MAP4: variants seen among roughly 807,000 people sequenced by gnomAD.
MAP4 encodes the protein microtubule associated protein 4.
MAP4 carries 76 observed loss-of-function variants against 170.2 expected under a neutral mutation model. The ratio of observed to expected loss-of-function variants is 0.45; its 90% CI spans 0.37 to 0.54. The LOEUF (loss-of-function observed/expected upper bound fraction) is 0.54, where lower values mean the gene tolerates loss of function less well. Among genes scored for constraint, MAP4 ranks in the 20% least tolerant of loss-of-function variants. The pLI is 0.00. For missense variants in MAP4, 2,506 were observed against 2,748.0 expected (o/e 0.91, Z 1.97); for synonymous variants, 909 against 994.5 (o/e 0.91, Z 1.62).
At chr3:48,042,725 T>G (rs1431558474) in intron 1 of MAP4, among the ~76,000 whole-genome samples, 1 of 152,130 alleles carries the variant, frequency 6.6e-6, no homozygotes. Flanking sequence ...TAAACAGAGT[T>G]ACCATATGAA....
At chr3:48,013,954 T>G (rs991536314) in intron 1 of MAP4, among the ~76,000 whole-genome samples, 4 of 152,170 alleles carry the variant, frequency 2.6e-5, no homozygotes, top group African/African-American at 9.7e-5. Flanking sequence ...TCTGATGACA[T>G]GCCTGAAGTG....
At chr3:48,049,853 G>A (rs2100126660) in intron 1 of MAP4, among the ~76,000 whole-genome samples, 2 of 151,110 alleles carry the variant, frequency 1.3e-5, no homozygotes, top group East Asian at 2.0e-4. Flanking sequence ...TAGTAGAATT[G>A]CTTGAACCCA....
rs762502090 is a variant in MAP4, at chr3:47,871,027, G to C, written c.6080C>G (p.Ala2027Gly). The C allele has an allele frequency of 1.3e-5, 21 of 1,613,956 alleles. No homozygotes were observed. Among genetic ancestry groups the C allele is most frequent in the Non-Finnish European group, 1.7e-5 (20 of 1,179,936 alleles). ...TTTLSGTAPA[A>G]GVVPSRVKAT... ...CTTGACTCGGCTGGGAACCACCCCT[G>C]CAGCGGGGGCTGTCCCACTGAGAGT... Residue 2027 changes from alanine to glycine, a missense_variant, in exon 15 of 21, where the codon GCA (alanine) becomes GGA (glycine). Physicochemically the swap from Ala to Gly is moderately conservative, Grantham distance 60. Coordinates refer to ENST00000683076, the MANE Select transcript of MAP4 (RefSeq NM_001385682.1).
chr3:47,951,429 C>T (rs933395719), intron 3 of MAP4, among the ~76,000 whole-genome samples: 3 of 152,172 alleles, frequency 2.0e-5, no homozygotes, highest in African/African-American at 7.2e-5. Flanking sequence ...GCTGCCATCT[C>T]GGCTCACTGC....
chr3:47,967,258 C>G lies in MAP4; in HGVS notation c.292+10607G>C, dbSNP rs1034708760. Among the ~76,000 whole-genome samples the G allele has an allele frequency of 5.9e-5, 9 of 152,194 alleles. No individual in the cohort carries two copies. The East Asian group carries it at 1.7e-3, about 29-fold the overall frequency. Reference sequence around the variant, plus strand: ...GGCTGAGGCAGGAGAATTGCTTGAACCCGGAGGCGGAGGTTGCAGTGAGCC... The same window carrying G: ...GGCTGAGGCAGGAGAATTGCTTGAAGCCGGAGGCGGAGGTTGCAGTGAGCC... On this transcript the variant is annotated intron_variant, in intron 3 of 20. Transcript: ENST00000683076.
chr3:47,946,605 G>C (rs1373423901), intron 3 of MAP4, among the ~76,000 whole-genome samples: 1 of 124,770 alleles, frequency 8.0e-6, no homozygotes, highest in Middle Eastern at 5.7e-3. Flanking sequence ...AGTGAGCCAA[G>C]ATTGTGCCAT....
chr3:47,963,803 C>T (rs960710866), intron 3 of MAP4, among the ~76,000 whole-genome samples: 2 of 151,908 alleles, frequency 1.3e-5, no homozygotes, highest in African/African-American at 4.8e-5. Flanking sequence ...GTAAACTATA[C>T]AAATTATTAG....
Position 47,910,446 on chromosome 3 carries a change from G to A in MAP4, c.3975C>T (p.Ser1325=), listed in dbSNP as rs2100035416. ...CTGCCCCCTGGATTTGCTCTTGGCA[G>A]CTCACATCTGTCACCTTGGCAGGTG... The part of the protein sequence containing the change: ...TEPPAKVTDV[S]CQEQIQGAGF... The change falls in exon 9 of 21, where the codon AGC becomes AGT. Residue 1325 remains serine, a synonymous_variant. Coordinates refer to ENST00000683076, the MANE Select transcript of MAP4 (RefSeq NM_001385682.1). The A allele has an allele frequency of 6.5e-7, 1 of 1,535,974 alleles. No individual in the cohort carries two copies. The highest frequency in any genetic ancestry group is 1.4e-5 in the African/African-American group (1 of 73,008).
At chr3:47,893,774 T>A (rs2166771) in intron 10 of MAP4, among the ~76,000 whole-genome samples, 5,990 of 150,064 alleles carry the variant, frequency 0.04, 151 homozygotes, top group Admixed American at 0.073. Flanking sequence ...TTTTTTTTTT[T>A]AAAAAAAGGC....
At chr3:48,060,017 G>A (rs973894112) in intron 1 of MAP4, among the ~76,000 whole-genome samples, 1 of 151,860 alleles carries the variant, frequency 6.6e-6, no homozygotes, top group Non-Finnish European at 1.5e-5. Flanking sequence ...TAAACCTCTG[G>A]CCTTTAAAAT....
intron 3 of MAP4, 106 bp downstream of exon 3, chr3:47,977,759 A>C (rs1030138499): frequency 2.6e-5 from 20 of 776,040 alleles, no homozygotes; most frequent in Admixed American, 2.6e-4. Context: ...CCACCCTCAG[A>C]AATAATTCAT....
chr3:47,981,805 T>C (rs1238589268), intron 2 of MAP4, among the ~76,000 whole-genome samples: 1 of 151,588 alleles, frequency 6.6e-6, no homozygotes, highest in African/African-American at 2.4e-5. Context: ...TATTTACCTA[T>C]GTGATTAGGG....
chr3:47,912,835 A>T (rs2100036654), intron 8 of MAP4, among the ~76,000 whole-genome samples: 1 of 152,180 alleles, frequency 6.6e-6, no homozygotes, highest in Non-Finnish European at 1.5e-5. Context: ...TAATTGCTTC[A>T]GTTAAATATA....
At position 47,974,727 on chromosome 3, in the gene MAP4, C is replaced by T. The variant is rs117250908; in HGVS notation, c.292+3138G>A. ...AATTAGGAATGGGAATAAGAAAGTC[C>T]TGTTGAAACAATCTTAGATTGTTAA... is the stretch of plus-strand genomic sequence containing the variant. On this transcript the variant is annotated intron_variant, in intron 3 of 20. Coordinates refer to ENST00000683076, the MANE Select transcript of MAP4 (RefSeq NM_001385682.1). The T allele has an allele frequency of 1.0e-3, 1,026 of 981,312 alleles. 42 individuals carry two copies. In the East Asian group the frequency reaches 0.081, roughly 78 times the overall value. 60.8% of individuals were successfully genotyped at this position (981,312 alleles called of 1,614,324 possible).
intron 2 of MAP4, among the ~76,000 whole-genome samples, chr3:47,980,991 G>A (rs373850352): frequency 3.2e-4 from 48 of 152,318 alleles, no homozygotes; most frequent in East Asian, 2.1e-3. Context: ...TTGGGGGAAT[G>A]TAAATAGGAA....
chr3:48,084,386 T>TA (rs548681084), intron 1 of MAP4, among the ~76,000 whole-genome samples: 2,409 of 104,274 alleles, frequency 0.023, 52 homozygotes, highest in East Asian at 0.066. Context: ...ATCTCATCTC[T>TA]AAAAAAAAAA....
chr3:48,005,254 G>GAC (rs1559777714), intron 1 of MAP4, among the ~76,000 whole-genome samples: 138 of 152,182 alleles, frequency 9.1e-4, no homozygotes, highest in African/African-American at 3.2e-3. Flanking sequence ...CCAGCTACTC[G>GAC]GCAGGCTGAG....
intron 15 of MAP4, 117 bp from the exon 16 acceptor site, chr3:47,869,444 G>C (rs992324166): frequency 5.8e-6 from 4 of 695,086 alleles, no homozygotes; most frequent in African/African-American, 1.8e-5. Context: ...GGCAAAAGCA[G>C]GTGGCCTTTG....
At chr3:47,938,504 G>C (rs1406158607) in intron 3 of MAP4, among the ~76,000 whole-genome samples, 1 of 152,190 alleles carries the variant, frequency 6.6e-6, no homozygotes. Context: ...TTCTCCAGTA[G>C]CTAAGGACAC....
Sources: gnomAD v4.1 joint callset for allele counts (sites outside exome capture counted in the v4.1 genomes callset) on GRCh38, gnomAD v4.1.1 for gene constraint, MANE v1.5 for transcripts, NCBI Gene and HGNC (gene_info 2026-07-23, HGNC 2026-07-21) for gene names.